CPED1: variants seen among roughly 807,000 people sequenced by gnomAD.
CPED1 encodes the protein cadherin like and PC-esterase domain containing 1, also known as cadherin-like and PC-esterase domain-containing protein 1.
Under a neutral mutation model 128.2 loss-of-function variants are expected in CPED1, and 114 were observed. That is an observed-to-expected ratio of 0.89 (90% CI 0.76 to 1.04). The LOEUF is 1.04. CPED1 is among the 50% of genes least tolerant of loss of function. The probability of loss-of-function intolerance (pLI) is 0.00; values close to 1 mark genes in which losing one functional copy is unlikely to be tolerated. For missense variants in CPED1, 1,211 were observed against 1,207.1 expected, an observed-to-expected ratio of 1.00 and a Z score of -0.05; for synonymous variants, 462 against 426.7, an observed-to-expected ratio of 1.08 and a Z score of -1.02.
At chr7:121,263,495 T>C (rs1792059535) in intron 18 of CPED1, among the ~76,000 whole-genome samples, 1 of 152,042 alleles carries the variant, frequency 6.6e-6, no homozygotes, top group Admixed American at 6.6e-5. Flanking sequence ...TGGACCTCTG[T>C]TTCTCCCCAC....
intron 18 of CPED1, among the ~76,000 whole-genome samples, chr7:121,256,014 A>G (rs1356350853): frequency 6.6e-6 from 1 of 150,962 alleles, no homozygotes; most frequent in East Asian, 1.9e-4. Flanking sequence ...TGCTCTTCCT[A>G]TCAAACTACC....
intron 3 of CPED1, among the ~76,000 whole-genome samples, chr7:121,040,159 A>G (rs555313570): frequency 6.6e-6 from 1 of 152,084 alleles, no homozygotes; most frequent in South Asian, 2.1e-4. Context: ...AACACCCATG[A>G]CCAGCCACTT....
At chr7:121,292,688 C>T (rs1013487021) in intron 22 of CPED1, among the ~76,000 whole-genome samples, 23 of 152,178 alleles carry the variant, frequency 1.5e-4, no homozygotes, top group African/African-American at 3.1e-4. Flanking sequence ...TGGTGACCTT[C>T]GGATGGGGTT....
intron 16 of CPED1, among the ~76,000 whole-genome samples, chr7:121,233,804 G>A (rs187513225): frequency 9.2e-5 from 14 of 152,064 alleles, no homozygotes; most frequent in South Asian, 2.1e-4. Flanking sequence ...TGCATCTTAC[G>A]TTTCTATAGT....
intron 16 of CPED1, among the ~76,000 whole-genome samples, chr7:121,230,044 T>A (rs1160737400): frequency 6.6e-6 from 1 of 151,968 alleles, no homozygotes; most frequent in Non-Finnish European, 1.5e-5. Flanking sequence ...CAAAGGGAGT[T>A]TAAAACTTTT....
intron 16 of CPED1, among the ~76,000 whole-genome samples, chr7:121,180,108 A>G (rs1244773647): frequency 1.3e-5 from 2 of 152,114 alleles, no homozygotes; most frequent in Non-Finnish European, 2.9e-5. Flanking sequence ...TTGGAATAGT[A>G]TCACATGGTG....
intron 16 of CPED1, among the ~76,000 whole-genome samples, chr7:121,235,669 T>A (rs1798236687): frequency 6.6e-6 from 1 of 152,144 alleles, no homozygotes; most frequent in Non-Finnish European, 1.5e-5. Flanking sequence ...TAAGTACTGG[T>A]TCCATATGTG....
chr7:121,000,123 C>T (rs1034572805), intron 2 of CPED1, among the ~76,000 whole-genome samples: 1 of 152,082 alleles, frequency 6.6e-6, no homozygotes, highest in Non-Finnish European at 1.5e-5. Flanking sequence ...GAGTCTGTGG[C>T]CTTTTGGGGT....
chr7:121,033,902 C>T (rs969455955), intron 3 of CPED1, among the ~76,000 whole-genome samples: 5 of 152,144 alleles, frequency 3.3e-5, no homozygotes, highest in South Asian at 2.1e-4. Context: ...ATTAGTGGTT[C>T]TCTCCTTCCT....
intron 5 of CPED1, among the ~76,000 whole-genome samples, chr7:121,070,834 G>A (rs553458973): frequency 1.3e-5 from 2 of 152,164 alleles, no homozygotes; most frequent in East Asian, 1.9e-4. Context: ...TAGCCAGATT[G>A]ATCTTCCTCC....
intron 7 of CPED1, among the ~76,000 whole-genome samples, chr7:121,108,844 A>T (rs1795043147): frequency 6.6e-6 from 1 of 152,066 alleles, no homozygotes; most frequent in Non-Finnish European, 1.5e-5. Flanking sequence ...CCACAAGCTC[A>T]AAAACACCAC....
intron 2 of CPED1, among the ~76,000 whole-genome samples, chr7:120,997,861 G>T (rs186788264): frequency 1.3e-4 from 19 of 151,722 alleles, no homozygotes; most frequent in African/African-American, 4.6e-4. Flanking sequence ...GGCAGAGGTT[G>T]CAGTGAGCTG....
chr7:120,993,749 A>G (rs181405521), intron 2 of CPED1, among the ~76,000 whole-genome samples: 194 of 152,306 alleles, frequency 1.3e-3, no homozygotes, highest in Non-Finnish European at 2.3e-3. Context: ...AGAAGGGAGT[A>G]CATTATTGCA....
At chr7:121,047,157 C>T (rs1793220799) in intron 4 of CPED1, among the ~76,000 whole-genome samples, 164 bp downstream of exon 4, 1 of 152,194 alleles carries the variant, frequency 6.6e-6, no homozygotes, top group Non-Finnish European at 1.5e-5. Flanking sequence ...AAAATAGTCA[C>T]CACTTTTTGT....
At chr7:120,999,888 C>T (rs1387818820) in intron 2 of CPED1, among the ~76,000 whole-genome samples, 1 of 152,130 alleles carries the variant, frequency 6.6e-6, no homozygotes, top group African/African-American at 2.4e-5. Context: ...GCTCAAATTT[C>T]AACAAGTTAT....
At chr7:121,052,687 C>T (rs974470469) in intron 4 of CPED1, among the ~76,000 whole-genome samples, 2 of 151,988 alleles carry the variant, frequency 1.3e-5, no homozygotes, top group Admixed American at 1.3e-4. Context: ...TAAAGTACAG[C>T]GTCAGTTATG....
intron 2 of CPED1, among the ~76,000 whole-genome samples, chr7:120,998,163 A>G (rs1796442021): frequency 6.6e-6 from 1 of 152,092 alleles, no homozygotes; most frequent in Non-Finnish European, 1.5e-5. Flanking sequence ...AACTGCTGAC[A>G]CTGTTATTTC....
intron 18 of CPED1, among the ~76,000 whole-genome samples, chr7:121,247,626 G>A (rs183380894): frequency 1.3e-5 from 2 of 152,254 alleles, no homozygotes; most frequent in African/African-American, 4.8e-5. Flanking sequence ...AAGGAACTGT[G>A]GGACTACCCA....
intron 4 of CPED1, chr7:121,051,174 T>C: frequency 1.9e-6 from 1 of 522,504 alleles, no homozygotes; most frequent in Non-Finnish European, 3.9e-6. Context: ...CAGCCTCTGA[T>C]GAAGCAGGAG....
Sources: gnomAD v4.1 joint callset for allele counts (sites outside exome capture counted in the v4.1 genomes callset) on GRCh38, gnomAD v4.1.1 for gene constraint, MANE v1.5 for transcripts, NCBI Gene and HGNC (gene_info 2026-07-23, HGNC 2026-07-21) for gene names.